S1PR4: variants seen among roughly 807,000 people sequenced by gnomAD.
S1PR4 encodes sphingosine 1-phosphate receptor 4.
In S1PR4, 1 loss-of-function variant was observed where a neutral mutation model predicts 0.4. The ratio of observed to expected loss-of-function variants is 2.48; its 90% CI spans 0.88 to 11.76. The LOEUF (loss-of-function observed/expected upper bound fraction) is 11.76. Among genes scored for constraint, S1PR4 ranks in the 30% most tolerant of loss-of-function variants. The pLI, the probability that S1PR4 is intolerant of heterozygous loss-of-function variation, is 0.12. For synonymous variants in S1PR4, 296 were observed against 266.7 expected (o/e 1.11, Z -1.07); for missense variants, 595 against 557.8 (o/e 1.07, Z -0.67).
rs748058371 is a variant in S1PR4, at chr19:3,178,906, C to T, written c.114C>T (p.Arg38=). 27 of 1,522,572 alleles carry T rather than the reference C, an allele frequency of 1.8e-5. No homozygotes were observed. The highest frequency in any genetic ancestry group is 4.5e-4 in the Middle Eastern group (2 of 4,402). The allele number at this position is 1,522,572 out of a possible 1,614,324, so 94.3% of individuals were successfully genotyped here. The change falls in exon 1 of 1, where the codon CGC becomes CGT. Residue 38 remains arginine, a synonymous_variant. Coordinates refer to ENST00000246115, the MANE Select transcript of S1PR4 (RefSeq NM_003775.4). ...HYNHSGRLAG[R]GGPEDGGLGA... Reference sequence around the variant, plus strand: ...ACCACTCGGGCCGGCTGGCCGGGCGCGGGGGGCCGGAGGATGGCGGCCTGG... The same window carrying T: ...ACCACTCGGGCCGGCTGGCCGGGCGTGGGGGGCCGGAGGATGGCGGCCTGG...
At position 3,179,862 on chromosome 19, in the gene S1PR4, C is replaced by G. The variant is rs2144882604; in HGVS notation, c.1070C>G (p.Pro357Arg). Reference protein sequence around the residue: ...GASTTDSSLRPRDSFRGSRSL... With the variant: ...GASTTDSSLRRRDSFRGSRSL... Reference sequence around the variant, plus strand: ...TCCACCACCGACAGCTCTCTGAGGCCAAGGGACAGCTTTCGCGGCTCCCGC... The same window carrying G: ...TCCACCACCGACAGCTCTCTGAGGCGAAGGGACAGCTTTCGCGGCTCCCGC... The change falls in exon 1 of 1, where the codon CCA becomes CGA. Residue 357 changes from proline to arginine, a missense_variant. Transcript: ENST00000246115. 1.9e-6 allele frequency: 3 copies of G among 1,559,190 alleles called. No individual in the cohort carries two copies. In the South Asian group the frequency reaches 3.5e-5, roughly 18 times the overall value.
chr19:3,179,195 A>G lies in S1PR4; in HGVS notation c.403A>G (p.Ser135Gly). ...LFTALAASTF[S>G]LLFTAGERFA... ...CACCGCCCTGGCCGCCTCCACCTTCAGCCTGCTCTTCACTGCAGGGGAGCG... is the reference window on the plus strand; with the variant it reads ...CACCGCCCTGGCCGCCTCCACCTTCGGCCTGCTCTTCACTGCAGGGGAGCG... The change falls in exon 1 of 1, where the codon AGC (serine) becomes GGC (glycine). Residue 135 changes from serine to glycine, a missense_variant. Physicochemically the swap from Ser to Gly is moderately conservative, Grantham distance 56. Coordinates refer to ENST00000246115, the MANE Select transcript of S1PR4 (RefSeq NM_003775.4). The G allele has an allele frequency of 6.2e-7, 1 of 1,608,674 alleles. No homozygotes were observed. The highest frequency in any genetic ancestry group is 8.5e-7 in the Non-Finnish European group (1 of 1,177,516).
Position 3,179,846 on chromosome 19 carries a change from G to T in S1PR4, c.1054G>T (p.Asp352Tyr), listed in dbSNP as rs370140415. 1.3e-6 allele frequency: 2 copies of T among 1,581,036 alleles called. No homozygotes were observed. Among genetic ancestry groups the T allele is most frequent in the African/African-American group, 2.7e-5 (2 of 73,714 alleles). ...GGCTCACTCCGGAGCTTCCACCACC[G>T]ACAGCTCTCTGAGGCCAAGGGACAG... Reference protein sequence around the residue: ...VEAHSGASTTDSSLRPRDSFR... With the variant: ...VEAHSGASTTYSSLRPRDSFR... The change falls in exon 1 of 1, where the codon GAC (aspartate) becomes TAC (tyrosine). Residue 352 changes from aspartate (D) to tyrosine (Y), a missense_variant. Coordinates refer to ENST00000246115, the MANE Select transcript of S1PR4 (RefSeq NM_003775.4).
Position 3,179,020 on chromosome 19 carries a change from G to A in S1PR4, c.228G>A (p.Arg76=), listed in dbSNP as rs755700172. Reference sequence around the variant, plus strand: ...TGGCGGCCATCACCAGCCACATGCGGTCGCGACGCTGGGTCTACTATTGCC... The same window carrying A: ...TGGCGGCCATCACCAGCCACATGCGATCGCGACGCTGGGTCTACTATTGCC... ...LVLAAITSHM[R]SRRWVYYCLV... Residue 76 remains arginine, a synonymous_variant, in exon 1 of 1, where the codon CGG becomes CGA. Coordinates refer to ENST00000246115, the MANE Select transcript of S1PR4 (RefSeq NM_003775.4). The A allele has an allele frequency of 1.2e-6, 2 of 1,600,576 alleles. No individual in the cohort carries two copies. The highest frequency in any genetic ancestry group is 1.1e-5 in the South Asian group (1 of 90,438).
In S1PR4 at chr19:3,180,221, G is replaced by A. The variant is rs1915522747; in HGVS notation, c.*274G>A. On this transcript the variant is annotated 3_prime_UTR_variant, in exon 1 of 1. Coordinates refer to ENST00000246115, the MANE Select transcript of S1PR4 (RefSeq NM_003775.4). Reference sequence around the variant, plus strand: ...GTGGGTTCCCCACAACCCCGCTTCTGTGTGATTCTGGGGAAGTCCCGGCCC... The same window carrying A: ...GTGGGTTCCCCACAACCCCGCTTCTATGTGATTCTGGGGAAGTCCCGGCCC... 2.5e-6 allele frequency: 1 copy of A among 407,910 alleles called. No homozygotes were observed. Among genetic ancestry groups the A allele is most frequent in the South Asian group, 9.4e-5 (1 of 10,620 alleles). 25.3% of individuals were successfully genotyped at this position (407,910 alleles called of 1,614,324 possible). A position where few individuals can be genotyped will look rare whatever the true frequency, so the allele number is the denominator to read the frequency against.
At position 3,179,772 on chromosome 19, in the gene S1PR4, T is replaced by C. The variant is rs773382107; in HGVS notation, c.980T>C (p.Leu327Pro). ...AVLSFLCCGC[L>P]RLGMRGPGDC... ...CTCAGCTTCCTCTGCTGCGGGTGTC[T>C]CCGGCTGGGCATGCGAGGGCCCGGG... is the stretch of plus-strand genomic sequence containing the variant. Residue 327 changes from leucine (L) to proline (P), a missense_variant, in exon 1 of 1, where the codon CTC becomes CCC. Leu to Pro is a moderately conservative substitution (Grantham distance 98). Transcript: ENST00000246115. 6.2e-7 allele frequency: 1 copy of C among 1,608,832 alleles called. No individual in the cohort carries two copies. The highest frequency in any genetic ancestry group is 8.5e-7 in the Non-Finnish European group (1 of 1,177,890).
In S1PR4 at chr19:3,178,951, G is replaced by C; in HGVS notation, c.159G>C (p.Ser53=). The C allele has an allele frequency of 6.5e-7, 1 of 1,543,132 alleles. No homozygotes were observed. Among genetic ancestry groups the C allele is most frequent in the Non-Finnish European group, 8.7e-7 (1 of 1,150,930 alleles). The change falls in exon 1 of 1, where the codon TCG becomes TCC. Residue 53 remains serine (S), a synonymous_variant. Coordinates refer to ENST00000246115, the MANE Select transcript of S1PR4 (RefSeq NM_003775.4). ...GCCTGGGGGCCCTGCGGGGGCTGTC[G>C]GTGGCCGCCAGCTGCCTGGTGGTGC... ...DGGLGALRGL[S]VAASCLVVLE... is the part of the protein sequence containing the mutation.
chr19:3,178,822 C>A lies in S1PR4; in HGVS notation c.30C>A (p.Pro10=). 1 of 1,530,562 alleles carries A rather than the reference C, an allele frequency of 6.5e-7. No homozygotes were observed. The highest frequency in any genetic ancestry group is 2.5e-5 in the East Asian group (1 of 39,926). The allele number at this position is 1,530,562 out of a possible 1,614,324, so 94.8% of individuals were successfully genotyped here. A position where few individuals can be genotyped will look rare whatever the true frequency, so the allele number is the denominator to read the frequency against. ...ACGCCACGGGGACCCCGGTGGCCCC[C>A]GAGTCCTGCCAACAGCTGGCGGCCG... The part of the protein sequence containing the change: MNATGTPVA[P]ESCQQLAAGG... The change falls in exon 1 of 1, where the codon CCC becomes CCA. Residue 10 remains proline (P), a synonymous_variant. Transcript: ENST00000246115.
In S1PR4 at chr19:3,179,059, G is replaced by C. The variant is rs117794457; in HGVS notation, c.267G>C (p.Thr89=). The stretch of plus-strand genomic sequence containing the variant: ...TCTACTATTGCCTGGTGAACATCAC[G>C]CTGAGTGACCTGCTCACGGGCGCGG... ...RWVYYCLVNI[T]LSDLLTGAAY... Residue 89 remains threonine, a synonymous_variant, in exon 1 of 1, where the codon ACG becomes ACC. Coordinates refer to ENST00000246115, the MANE Select transcript of S1PR4 (RefSeq NM_003775.4). 6.2e-7 allele frequency: 1 copy of C among 1,609,072 alleles called. No homozygotes were observed. Among genetic ancestry groups the C allele is most frequent in the East Asian group, 2.2e-5 (1 of 44,872 alleles).
At position 3,179,861 on chromosome 19, in the gene S1PR4, C is replaced by T; in HGVS notation, c.1069C>T (p.Pro357Ser). The change falls in exon 1 of 1, where the codon CCA (proline) becomes TCA (serine). Residue 357 changes from proline (P) to serine (S), a missense_variant. Pro to Ser is a moderately conservative substitution (Grantham distance 74). Transcript: ENST00000246115. ...TTCCACCACCGACAGCTCTCTGAGG[C>T]CAAGGGACAGCTTTCGCGGCTCCCG... is the stretch of plus-strand genomic sequence containing the variant. The part of the protein sequence containing the change: ...GASTTDSSLR[P>S]RDSFRGSRSL... 1 of 1,561,160 alleles carries T rather than the reference C, an allele frequency of 6.4e-7. No individual in the cohort carries two copies.
Position 3,179,460 on chromosome 19 carries a change from A to T in S1PR4, c.668A>T (p.Tyr223Phe). 1 of 1,613,026 alleles carries T rather than the reference A, an allele frequency of 6.2e-7. No individual in the cohort carries two copies. Among genetic ancestry groups the T allele is most frequent in the Non-Finnish European group, 8.5e-7 (1 of 1,179,828 alleles). ...AGVLATIMGL[Y>F]GAIFRLVQAS... Reference sequence around the variant, plus strand: ...GTCCTGGCCACCATCATGGGCCTCTATGGGGCCATCTTCCGCCTGGTGCAG... The same window carrying T: ...GTCCTGGCCACCATCATGGGCCTCTTTGGGGCCATCTTCCGCCTGGTGCAG... The change falls in exon 1 of 1, where the codon TAT (tyrosine) becomes TTT (phenylalanine). Residue 223 changes from tyrosine to phenylalanine, a missense_variant. Coordinates refer to ENST00000246115, the MANE Select transcript of S1PR4 (RefSeq NM_003775.4).
rs779921095 is a variant in S1PR4, at chr19:3,179,614, C to T, written c.822C>T (p.Asp274=). 18 of 1,612,998 alleles carry T rather than the reference C, an allele frequency of 1.1e-5. No individual in the cohort carries two copies. Among genetic ancestry groups the T allele is most frequent in the South Asian group, 2.2e-5 (2 of 91,034 alleles). Residue 274 remains aspartate, a synonymous_variant, in exon 1 of 1, where the codon GAC becomes GAT. Coordinates refer to ENST00000246115, the MANE Select transcript of S1PR4 (RefSeq NM_003775.4). ...CACTCTTCGGGCTGCTGCTGGCCGA[C>T]GTCTTTGGCTCCAACCTCTGGGCCC... ...WGPLFGLLLA[D]VFGSNLWAQE...
rs751492938 is a variant in S1PR4, at chr19:3,179,287, C to T, written c.495C>T (p.Phe165=). 5.6e-6 allele frequency: 9 copies of T among 1,607,100 alleles called. No homozygotes were observed. The highest frequency in any genetic ancestry group is 7.6e-6 in the Non-Finnish European group (9 of 1,176,998). ...GATKTSRVYG[F]IGLCWLLAAL... ...CCAAGACCAGCCGCGTCTACGGCTT[C>T]ATCGGCCTCTGCTGGCTGCTGGCCG... The change falls in exon 1 of 1, where the codon TTC becomes TTT. Residue 165 remains phenylalanine (F), a synonymous_variant. Transcript: ENST00000246115.
In S1PR4 at chr19:3,180,211, C is replaced by T; in HGVS notation, c.*264C>T. On this transcript the variant is annotated 3_prime_UTR_variant, in exon 1 of 1. Transcript: ENST00000246115. ...GTGGGGGCGAGTGGGTTCCCCACAA[C>T]CCCGCTTCTGTGTGATTCTGGGGAA... 1 of 416,926 alleles carries T rather than the reference C, an allele frequency of 2.4e-6. No homozygotes were observed. The highest frequency in any genetic ancestry group is 3.7e-5 in the East Asian group (1 of 26,900). The allele number at this position is 416,926 out of a possible 1,614,324, so 25.8% of individuals were successfully genotyped here. A position where few individuals can be genotyped will look rare whatever the true frequency, so the allele number is the denominator to read the frequency against.
In S1PR4 at chr19:3,179,461, T is replaced by G; in HGVS notation, c.669T>G (p.Tyr223Ter). 2.5e-6 allele frequency: 4 copies of G among 1,613,066 alleles called. No homozygotes were observed. The highest frequency in any genetic ancestry group is 3.4e-6 in the Non-Finnish European group (4 of 1,179,828). ...AGVLATIMGLYGAIFRLVQAS... is the reference protein window; with the variant it reads ...AGVLATIMGL The stretch of plus-strand genomic sequence containing the variant: ...TCCTGGCCACCATCATGGGCCTCTA[T>G]GGGGCCATCTTCCGCCTGGTGCAGG... Residue 223 changes from tyrosine (Y) to a stop codon, truncating the protein, a stop_gained, in exon 1 of 1, where the codon TAT (tyrosine) becomes TAG (stop). Coordinates refer to ENST00000246115, the MANE Select transcript of S1PR4 (RefSeq NM_003775.4). LOFTEE classifies it low-confidence loss of function (END_TRUNC).
At position 3,179,203 on chromosome 19, in the gene S1PR4, C is replaced by T. The variant is rs774786861; in HGVS notation, c.411C>T (p.Leu137=). ...TGGCCGCCTCCACCTTCAGCCTGCT[C>T]TTCACTGCAGGGGAGCGCTTTGCCA... is the stretch of plus-strand genomic sequence containing the variant. The part of the protein sequence containing the change: ...TALAASTFSL[L]FTAGERFATM... The change falls in exon 1 of 1, where the codon CTC becomes CTT. Residue 137 remains leucine (L), a synonymous_variant. Transcript: ENST00000246115. The T allele has an allele frequency of 8.7e-6, 14 of 1,607,560 alleles. No individual in the cohort carries two copies. In the East Asian group the frequency reaches 1.8e-4, roughly 20 times the overall value.
At position 3,178,803 on chromosome 19, in the gene S1PR4, C is replaced by T. The variant is rs538746674; in HGVS notation, c.11C>T (p.Thr4Met). 33 of 1,502,332 alleles carry T rather than the reference C, an allele frequency of 2.2e-5. No individual in the cohort carries two copies. The highest frequency in any genetic ancestry group is 3.8e-5 in the South Asian group (3 of 79,066). The allele number at this position is 1,502,332 out of a possible 1,614,324, so 93.1% of individuals were successfully genotyped here. ...CCCCCGGGGGAGGCCATGAACGCCACGGGGACCCCGGTGGCCCCCGAGTCC... is the reference window on the plus strand; with the variant it reads ...CCCCCGGGGGAGGCCATGAACGCCATGGGGACCCCGGTGGCCCCCGAGTCC... MNA[T>M]GTPVAPESCQ... The change falls in exon 1 of 1, where the codon ACG becomes ATG. Residue 4 changes from threonine (T) to methionine (M), a missense_variant. By Grantham distance (81) the Thr-to-Met change is moderately conservative. Transcript: ENST00000246115.
In S1PR4 at chr19:3,179,810, C is replaced by T. The variant is rs376837194; in HGVS notation, c.1018C>T (p.Arg340Trp). The change falls in exon 1 of 1, where the codon CGG becomes TGG. Residue 340 changes from arginine (R) to tryptophan (W), a missense_variant. Transcript: ENST00000246115. ...GCGAGGGCCCGGGGACTGCCTGGCCCGGGCCGTCGAGGCTCACTCCGGAGC... is the reference window on the plus strand; with the variant it reads ...GCGAGGGCCCGGGGACTGCCTGGCCTGGGCCGTCGAGGCTCACTCCGGAGC... ...GMRGPGDCLA[R>W]AVEAHSGAST... is the part of the protein sequence containing the mutation. 27 of 1,597,078 alleles carry T rather than the reference C, an allele frequency of 1.7e-5. No individual in the cohort carries two copies. In the Middle Eastern group the frequency reaches 2.0e-3, roughly 119 times the overall value.
rs1599341539 is a variant in S1PR4, at chr19:3,180,037, C to T, written c.*90C>T. The T allele has an allele frequency of 7.8e-6, 10 of 1,277,268 alleles. No individual in the cohort carries two copies. Among genetic ancestry groups the T allele is most frequent in the East Asian group, 2.5e-5 (1 of 39,760 alleles). 79.1% of individuals were successfully genotyped at this position (1,277,268 alleles called of 1,614,324 possible). A position where few individuals can be genotyped will look rare whatever the true frequency, so the allele number is the denominator to read the frequency against. On this transcript the variant is annotated 3_prime_UTR_variant, in exon 1 of 1. Coordinates refer to ENST00000246115, the MANE Select transcript of S1PR4 (RefSeq NM_003775.4). ...ACAGGAAGCTGTGTGCACGCAGCCT[C>T]GCCTGTATGGGGAGCAGGGAACGGG...
Sources: gnomAD v4.1 joint callset for allele counts on GRCh38, gnomAD v4.1.1 for gene constraint, MANE v1.5 for transcripts, NCBI Gene and HGNC (gene_info 2026-07-23, HGNC 2026-07-21) for gene names.